The following CNTNAP4 variants were observed in gnomAD, a reference collection of about 807,000 sequenced individuals.
CNTNAP4 encodes the protein contactin-associated protein-like 4.
Under a neutral mutation model 148.4 loss-of-function variants are expected in CNTNAP4, and 98 were observed. The observed-to-expected ratio is 0.66, with a 90% confidence interval of 0.56 to 0.78. The LOEUF is 0.78. Ranked by LOEUF, CNTNAP4 falls within the 30% of genes least tolerant of loss-of-function variation. The pLI, the probability that CNTNAP4 is intolerant of heterozygous loss-of-function variation, is 0.00. For missense variants in CNTNAP4, 1,935 were observed against 1,565.6 expected (o/e 1.24, Z -3.98); for synonymous variants, 730 against 565.1 (o/e 1.29, Z -4.14).
chr16:76,330,501 A>G (rs1040176385), intron 2 of CNTNAP4, among the ~76,000 whole-genome samples: 4 of 152,204 alleles, frequency 2.6e-5, no homozygotes, highest in South Asian at 2.1e-4. Flanking sequence ...GGTGTTTATG[A>G]ATGCACTTGC....
At chr16:76,496,104 T>TGTGTGTGTGTGTGTGC (rs770815373) in intron 14 of CNTNAP4, among the ~76,000 whole-genome samples, 14 of 150,760 alleles carry the variant, frequency 9.3e-5, no homozygotes, top group Admixed American at 2.0e-4. Flanking sequence ...TGTGTGTGTG[T>TGTGTGTGTGTGTGTGC]GTGCGTGTAT....
intron 2 of CNTNAP4, among the ~76,000 whole-genome samples, chr16:76,337,142 TTTTA>T (rs568294608): frequency 3.3e-5 from 5 of 152,324 alleles, no homozygotes; most frequent in Admixed American, 3.3e-4. Flanking sequence ...GATGGATTCT[TTTTA>T]TTTATCTAAA....
intron 17 of CNTNAP4, among the ~76,000 whole-genome samples, chr16:76,530,902 A>T (rs115510045): frequency 6.6e-6 from 1 of 152,158 alleles, no homozygotes; most frequent in East Asian, 1.9e-4. Context: ...TGACGGTCCA[A>T]TGCTTGACAT....
intron 2 of CNTNAP4, among the ~76,000 whole-genome samples, chr16:76,335,839 G>C (rs1012376412): frequency 6.6e-6 from 1 of 152,260 alleles, no homozygotes; most frequent in East Asian, 1.9e-4. Flanking sequence ...TGTTGGCAAG[G>C]TCTCACACCT....
intron 13 of CNTNAP4, among the ~76,000 whole-genome samples, chr16:76,490,085 A>G (rs1290654150): frequency 2.0e-5 from 3 of 152,182 alleles, no homozygotes; most frequent in Non-Finnish European, 4.4e-5. Context: ...ATTTACACTG[A>G]GCTTTATTCA....
At chr16:76,408,633 T>C (rs1034549549) in intron 3 of CNTNAP4, among the ~76,000 whole-genome samples, 1 of 152,108 alleles carries the variant, frequency 6.6e-6, no homozygotes, top group African/African-American at 2.4e-5. Context: ...AAATTTAAGA[T>C]TCTATTTTCT....
At chr16:76,359,641 C>T (rs1333972599) in intron 3 of CNTNAP4, among the ~76,000 whole-genome samples, 1 of 152,080 alleles carries the variant, frequency 6.6e-6, no homozygotes, top group African/African-American at 2.4e-5. Flanking sequence ...AATATTTCTT[C>T]AGTGAAAAAT....
chr16:76,289,346 G>A (rs1001546317), intron 1 of CNTNAP4, among the ~76,000 whole-genome samples: 1 of 152,016 alleles, frequency 6.6e-6, no homozygotes, highest in Non-Finnish European at 1.5e-5. Flanking sequence ...TTTTGTATTG[G>A]TTTTTATTTT....
intron 3 of CNTNAP4, among the ~76,000 whole-genome samples, chr16:76,369,861 G>A (rs1696755623): frequency 6.6e-6 from 1 of 151,200 alleles, no homozygotes; most frequent in South Asian, 2.1e-4. Context: ...GAGGGAGGGA[G>A]AGAGAGAGAG....
At chr16:76,286,555 G>A (rs778017761) in intron 1 of CNTNAP4, among the ~76,000 whole-genome samples, 3 of 152,072 alleles carry the variant, frequency 2.0e-5, no homozygotes, top group Non-Finnish European at 4.4e-5. Flanking sequence ...CCCACCGTGG[G>A]TGCTAGTCTT....
chr16:76,412,319 CT>C (rs2078828654), intron 3 of CNTNAP4, among the ~76,000 whole-genome samples: 1 of 151,294 alleles, frequency 6.6e-6, no homozygotes, highest in Admixed American at 6.6e-5. Context: ...ACATACATGT[CT>C]TTTGCTAGCT....
Position 76,553,228 on chromosome 16 carries a change from A to G in CNTNAP4, c.3443-55A>G, listed in dbSNP as rs991579549. Reference sequence around the variant, plus strand: ...GCTCAGAATCCTCAATTTCTGCATCATCGCCTATTTTCACTTTTCACTACT... The same window carrying G: ...GCTCAGAATCCTCAATTTCTGCATCGTCGCCTATTTTCACTTTTCACTACT... On this transcript the variant is annotated intron_variant, in intron 21 of 23. Transcript: ENST00000611870. The G allele has an allele frequency of 1.1e-5, 12 of 1,067,116 alleles. No homozygotes were observed. In the African/African-American group the frequency reaches 1.6e-4, roughly 14 times the overall value. 66.1% of individuals were successfully genotyped at this position (1,067,116 alleles called of 1,614,324 possible). A position where few individuals can be genotyped will look rare whatever the true frequency, so the allele number is the denominator to read the frequency against.
intron 11 of CNTNAP4, among the ~76,000 whole-genome samples, chr16:76,478,715 C>T (rs1195898957): frequency 1.3e-5 from 2 of 152,032 alleles, no homozygotes; most frequent in Non-Finnish European, 2.9e-5. Context: ...TTAAAAACAT[C>T]CAAACATCCG....
chr16:76,442,983 A>T (rs1316870196), intron 4 of CNTNAP4, among the ~76,000 whole-genome samples: 1 of 152,178 alleles, frequency 6.6e-6, no homozygotes, highest in Non-Finnish European at 1.5e-5. Flanking sequence ...AAAGGGGGCT[A>T]GACTAAAAAG....
chr16:76,308,158 A>G (rs1472425112), intron 1 of CNTNAP4, among the ~76,000 whole-genome samples: 2 of 152,210 alleles, frequency 1.3e-5, no homozygotes, highest in Non-Finnish European at 2.9e-5. Flanking sequence ...GACTGACAGA[A>G]TTAGAAGCTC....
At position 76,394,332 on chromosome 16, in the gene CNTNAP4, G is replaced by C. The variant is rs552507580; in HGVS notation, c.391-33120G>C. On this transcript the variant is annotated intron_variant, in intron 3 of 23. Transcript: ENST00000611870. ...GATTGATATTGGAAAGGTTGGATTT[G>C]GAAGTACACTCACACGTACACACTT... 7.8e-4 allele frequency among the ~76,000 whole-genome samples: 118 copies of C among 152,188 alleles called. 1 individual carries two copies. Among genetic ancestry groups the C allele is most frequent in the African/African-American group, 2.7e-3 (111 of 41,518 alleles).
intron 4 of CNTNAP4, among the ~76,000 whole-genome samples, chr16:76,429,924 A>C (rs1266473113): frequency 6.6e-6 from 1 of 152,230 alleles, no homozygotes; most frequent in Non-Finnish European, 1.5e-5. Context: ...ATAGTGTGGC[A>C]GGAGTTAATG....
At chr16:76,355,941 C>G (rs958188409) in intron 3 of CNTNAP4, among the ~76,000 whole-genome samples, 2 of 151,826 alleles carry the variant, frequency 1.3e-5, no homozygotes, top group Non-Finnish European at 2.9e-5. Context: ...GTGGCGCGAT[C>G]TTGGCTCACT....
At chr16:76,301,925 A>G (rs7202977) in intron 1 of CNTNAP4, among the ~76,000 whole-genome samples, 42,457 of 152,036 alleles carry the variant, frequency 0.28, 6,615 homozygotes, top group Non-Finnish European at 0.35. Flanking sequence ...AAACAGTGGC[A>G]TTAGCATGAT....
Sources: gnomAD v4.1 joint callset for allele counts (sites outside exome capture counted in the v4.1 genomes callset) on GRCh38, gnomAD v4.1.1 for gene constraint, MANE v1.5 for transcripts, NCBI Gene and HGNC (gene_info 2026-07-23, HGNC 2026-07-21) for gene names.